CAMTA1: variants seen among roughly 807,000 people sequenced by gnomAD.
The protein encoded by CAMTA1 is calmodulin binding transcription activator 1.
CAMTA1 carries 27 observed loss-of-function variants against 170.9 expected under a neutral mutation model. The observed-to-expected ratio is 0.16, with a 90% confidence interval of 0.12 to 0.22. The LOEUF (loss-of-function observed/expected upper bound fraction) is 0.22. Ranked by LOEUF, CAMTA1 falls within the 10% of genes least tolerant of loss-of-function variation. The probability of loss-of-function intolerance (pLI) is 1.00; values close to 1 mark genes in which losing one functional copy is unlikely to be tolerated. For missense variants in CAMTA1, 1,619 were observed against 2,217.2 expected, an observed-to-expected ratio of 0.73 and a Z score of 5.42; for synonymous variants, 833 against 891.5, an observed-to-expected ratio of 0.93 and a Z score of 1.17.
intron 3 of CAMTA1, among the ~76,000 whole-genome samples, chr1:6,837,698 T>G (rs1300995548): frequency 1.3e-5 from 2 of 152,240 alleles, no homozygotes; most frequent in Non-Finnish European, 2.9e-5. Context: ...AAATTTTATT[T>G]TATTTTTGTA....
chr1:7,305,387 G>A (rs988754425), intron 5 of CAMTA1, among the ~76,000 whole-genome samples: 2 of 25,268 alleles, frequency 7.9e-5, no homozygotes, highest in African/African-American at 6.0e-4. Flanking sequence ...ACAAAACAAA[G>A]CAAAAAACCC....
At chr1:7,271,693 AG>A (rs1669839683) in intron 5 of CAMTA1, among the ~76,000 whole-genome samples, 1 of 152,118 alleles carries the variant, frequency 6.6e-6, no homozygotes, top group Non-Finnish European at 1.5e-5. Context: ...AAGGGAGAAA[AG>A]AGCTAAAAAA....
chr1:6,835,317 C>G (rs951514231), intron 3 of CAMTA1, among the ~76,000 whole-genome samples: 1 of 152,170 alleles, frequency 6.6e-6, no homozygotes, highest in Non-Finnish European at 1.5e-5. Context: ...ACTGTGCAGA[C>G]AGTTTATTGG....
intron 4 of CAMTA1, among the ~76,000 whole-genome samples, chr1:7,140,743 A>G (rs1645842286): frequency 6.6e-6 from 1 of 152,220 alleles, no homozygotes; most frequent in South Asian, 2.1e-4. Flanking sequence ...AAGCTTTAAT[A>G]TAATTAAATT....
chr1:7,053,187 G>A (rs11120823), intron 3 of CAMTA1, among the ~76,000 whole-genome samples: 42,054 of 152,184 alleles, frequency 0.28, 6,103 homozygotes, highest in East Asian at 0.35. Context: ...GTTTGCCGCC[G>A]CAGCGTCCCT....
chr1:6,916,168 C>T (rs1212500823), intron 3 of CAMTA1, among the ~76,000 whole-genome samples: 5 of 152,138 alleles, frequency 3.3e-5, no homozygotes, highest in East Asian at 3.9e-4. Context: ...CTCCTGCTAT[C>T]GGGTGGGAAT....
intron 3 of CAMTA1, among the ~76,000 whole-genome samples, chr1:7,052,665 C>G (rs538225223): frequency 6.6e-6 from 1 of 152,162 alleles, no homozygotes; most frequent in African/African-American, 2.4e-5. Flanking sequence ...ATACCTGGTT[C>G]TCCTCTTGGG....
At chr1:7,075,869 G>A (rs930234243) in intron 3 of CAMTA1, among the ~76,000 whole-genome samples, 2 of 151,108 alleles carry the variant, frequency 1.3e-5, no homozygotes, top group African/African-American at 4.9e-5. Context: ...CGTCATGTTG[G>A]CCAGGCTGGT....
At chr1:7,141,996 T>C in intron 4 of CAMTA1, 1 of 460,628 alleles carries the variant, frequency 2.2e-6, no homozygotes, top group South Asian at 1.6e-5. Flanking sequence ...CTTCCCCTGC[T>C]TTTTTCCTGA....
At chr1:7,038,988 C>T (rs1179895904) in intron 3 of CAMTA1, among the ~76,000 whole-genome samples, 1 of 151,930 alleles carries the variant, frequency 6.6e-6, no homozygotes, top group African/African-American at 2.4e-5. Context: ...TGCAGTGAGC[C>T]GAGATCCTGC....
intron 5 of CAMTA1, among the ~76,000 whole-genome samples, chr1:7,396,166 C>T (rs973791445): frequency 2.6e-5 from 4 of 152,140 alleles, no homozygotes; most frequent in South Asian, 2.1e-4. Flanking sequence ...TGAGGGAATT[C>T]GTGTTCTATT....
At chr1:7,378,318 C>T (rs991751963) in intron 5 of CAMTA1, among the ~76,000 whole-genome samples, 6 of 152,144 alleles carry the variant, frequency 3.9e-5, no homozygotes, top group African/African-American at 1.2e-4. Flanking sequence ...GAGAGGAAGC[C>T]GTGTTACATA....
chr1:7,174,965 T>C (rs991237683), intron 4 of CAMTA1, among the ~76,000 whole-genome samples: 9 of 152,208 alleles, frequency 5.9e-5, no homozygotes, highest in Non-Finnish European at 1.0e-4. Context: ...AGCAGTTCTT[T>C]TATAAACTAT....
intron 3 of CAMTA1, among the ~76,000 whole-genome samples, chr1:6,936,787 G>A (rs1354974287): frequency 6.6e-6 from 1 of 152,132 alleles, no homozygotes; most frequent in African/African-American, 2.4e-5. Flanking sequence ...AGCCGATTGA[G>A]ACCATCCTGG....
chr1:6,927,192 TATTC>T (rs71568670), intron 3 of CAMTA1, among the ~76,000 whole-genome samples: 10,953 of 151,274 alleles, frequency 0.072, 786 homozygotes, highest in Admixed American at 0.25. Flanking sequence ...GCCCAGCTAA[TATTC>T]ATTCATTCAT....
intron 5 of CAMTA1, among the ~76,000 whole-genome samples, chr1:7,348,506 GC>G (rs2084394425): frequency 6.6e-6 from 1 of 152,160 alleles, no homozygotes. Context: ...CCTCCACCTG[GC>G]CCTTGGAAGG....
intron 5 of CAMTA1, among the ~76,000 whole-genome samples, chr1:7,350,148 G>C (rs1163877622): frequency 6.6e-6 from 1 of 152,080 alleles, no homozygotes; most frequent in East Asian, 1.9e-4. Flanking sequence ...GGCTCCCCAG[G>C]CACCTGCTCT....
chr1:6,976,565 G>A (rs1693464835), intron 3 of CAMTA1, among the ~76,000 whole-genome samples: 1 of 152,148 alleles, frequency 6.6e-6, no homozygotes, highest in African/African-American at 2.4e-5. Context: ...CCAGGCTCTC[G>A]GGAGCAGTAG....
intron 4 of CAMTA1, among the ~76,000 whole-genome samples, chr1:7,243,278 A>C (rs1665214655): frequency 6.6e-6 from 1 of 152,198 alleles, no homozygotes; most frequent in African/African-American, 2.4e-5. Context: ...TCCAGAAAAA[A>C]AATTACTGAT....
Sources: allele counts gnomAD v4.1 joint callset (sites outside exome capture counted in the v4.1 genomes callset), GRCh38; gene constraint gnomAD v4.1.1; transcripts MANE v1.5; gene names NCBI Gene and HGNC (gene_info 2026-07-23, HGNC 2026-07-21).